The following DLG5 variants were observed in gnomAD, a reference collection of about 807,000 sequenced individuals.
The protein encoded by DLG5 is disks large homolog 5.
DLG5 carries 48 observed loss-of-function variants against 189.8 expected under a neutral mutation model. The observed-to-expected ratio is 0.25, with a 90% confidence interval of 0.20 to 0.32. DLG5 has a LOEUF of 0.32. Among genes scored for constraint, DLG5 ranks in the 10% least tolerant of loss-of-function variants. The probability of loss-of-function intolerance (pLI) is 1.00; values close to 1 mark genes in which losing one functional copy is unlikely to be tolerated. For synonymous variants in DLG5, 1,016 were observed against 1,054.1 expected (o/e 0.96, Z 0.70); for missense variants, 2,160 against 2,544.7 (o/e 0.85, Z 3.25).
chr10:77,929,268 C>T (rs911626546), upstream of DLG5: 7 of 152,130 alleles, frequency 4.6e-5, no homozygotes, highest in African/African-American at 1.4e-4. Context: ...TCTTGAACTC[C>T]TGGGCTCAAG....
chr10:77,909,578 G>A (rs1014634479), intron 1 of DLG5, among the ~76,000 whole-genome samples: 5 of 151,980 alleles, frequency 3.3e-5, no homozygotes, highest in African/African-American at 1.2e-4. Context: ...CAGAAACAAG[G>A]ACAGCTGGTC....
At position 77,909,377 on chromosome 10, in the gene DLG5, G is replaced by A. The variant is rs546402468; in HGVS notation, c.304+16840C>T. Among the ~76,000 whole-genome samples the A allele has an allele frequency of 7.2e-4, 110 of 152,268 alleles. 1 individual carries two copies. The highest frequency in any genetic ancestry group is 2.4e-3 in the African/African-American group (99 of 41,540). On this transcript the variant is annotated intron_variant, in intron 1 of 31. Transcript: ENST00000372391. The stretch of plus-strand genomic sequence containing the variant: ...GTCAGGGGTGGGGGTCTAGGAGAGG[G>A]ATAGCAACAGAAGAAATACCTAATG...
chr10:77,926,891 C>A, upstream of DLG5: 2 of 338,244 alleles, frequency 5.9e-6, no homozygotes, highest in Non-Finnish European at 1.2e-5. The surrounding 1 kb of genome is among the most constrained non-coding windows in gnomAD (Gnocchi z 5.2). Context: ...CCGCCCGCCC[C>A]GCGAGAAAAC....
chr10:77,807,709 CAG>C lies in DLG5; in HGVS notation c.4796+85_4796+86del. ...GGCCCCAGCCTTGGGGGGCAAGAAA[CAG>C]AGAGCCATTCACCAGGAAAAGAGTC... On this transcript the variant is annotated intron_variant, in intron 25 of 31. Coordinates refer to ENST00000372391, the MANE Select transcript of DLG5 (RefSeq NM_004747.4). The C allele has an allele frequency of 4.7e-6, 7 of 1,481,688 alleles. No individual in the cohort carries two copies. The East Asian group carries it at 1.4e-4, about 29-fold the overall frequency. 91.8% of individuals were successfully genotyped at this position (1,481,688 alleles called of 1,614,324 possible).
chr10:77,904,353 G>C (rs1346242362), intron 1 of DLG5, among the ~76,000 whole-genome samples: 1 of 151,816 alleles, frequency 6.6e-6, no homozygotes, highest in Non-Finnish European at 1.5e-5. Flanking sequence ...ACTTTGGACT[G>C]TGGACTTTTG....
chr10:77,811,006 T>C (rs1446377099), intron 23 of DLG5, 88 bp downstream of exon 23: 1 of 1,499,794 alleles, frequency 6.7e-7, no homozygotes, highest in South Asian at 1.3e-5. Flanking sequence ...TGAGGCCAGC[T>C]GCCCAGTGCC....
intron 1 of DLG5, among the ~76,000 whole-genome samples, chr10:77,875,117 GT>G (rs1171100545): frequency 2.0e-5 from 3 of 152,178 alleles, no homozygotes; most frequent in Non-Finnish European, 2.9e-5. Flanking sequence ...GCTGAAGGTC[GT>G]GCTAGGGCTA....
At chr10:77,924,307 A>G (rs75090249) in intron 1 of DLG5, among the ~76,000 whole-genome samples, 1 of 152,340 alleles carries the variant, frequency 6.6e-6, no homozygotes, top group Non-Finnish European at 1.5e-5. Flanking sequence ...CTAGGGGATA[A>G]AATCCAAACC....
At chr10:77,853,125 G>A (rs1278933115) in intron 5 of DLG5, among the ~76,000 whole-genome samples, 1 of 151,820 alleles carries the variant, frequency 6.6e-6, no homozygotes, top group African/African-American at 2.4e-5. Flanking sequence ...TAGGACTACA[G>A]GTGTGCCACC....
intron 17 of DLG5, among the ~76,000 whole-genome samples, chr10:77,818,152 C>T (rs1423390770): frequency 6.6e-6 from 1 of 152,106 alleles, no homozygotes; most frequent in Non-Finnish European, 1.5e-5. Flanking sequence ...CAGGATTAGG[C>T]TCACTAGGAA....
the DLG5 span, among the ~76,000 whole-genome samples, chr10:77,937,794 C>T: frequency 6.8e-6 from 1 of 147,662 alleles, no homozygotes; most frequent in East Asian, 2.0e-4. Flanking sequence ...TCTTGGCTCA[C>T]TGCAACCTCC....
intron 7 of DLG5, among the ~76,000 whole-genome samples, chr10:77,838,971 T>G (rs542059984): frequency 2.0e-5 from 3 of 152,334 alleles, no homozygotes; most frequent in Non-Finnish European, 4.4e-5. Flanking sequence ...CTGGAAAAGA[T>G]CCCTGCCTCA....
upstream of DLG5, chr10:77,929,692 G>C (rs925488524): frequency 3.3e-5 from 5 of 152,232 alleles, no homozygotes; most frequent in African/African-American, 1.2e-4. Context: ...AGAATGGCCA[G>C]CCACCACCGG....
chr10:77,829,262 G>A (rs898211373), intron 12 of DLG5, 93 bp downstream of exon 12: 2 of 1,538,556 alleles, frequency 1.3e-6, no homozygotes, highest in East Asian at 4.5e-5. Flanking sequence ...TCATCCCTGT[G>A]AATGAGGTGC....
intron 26 of DLG5, among the ~76,000 whole-genome samples, chr10:77,806,380 T>C (rs921883904): frequency 5.9e-5 from 9 of 152,000 alleles, no homozygotes; most frequent in Non-Finnish European, 1.0e-4. Flanking sequence ...AGCTAATGGG[T>C]CTGGGGTTTG....
chr10:77,821,315 G>T lies in DLG5; in HGVS notation c.3169C>A (p.Pro1057Thr). ...PPSALPPDVD[P>T]GEPMHASPPR... Reference sequence around the variant, plus strand: ...GGTGATGCGTGCATGGGCTCCCCGGGGTCCACGTCAGGGGGCAGGGCGCTC... The same window carrying T: ...GGTGATGCGTGCATGGGCTCCCCGGTGTCCACGTCAGGGGGCAGGGCGCTC... The change falls in exon 15 of 32, where the codon CCC becomes ACC. Residue 1057 changes from proline to threonine, a missense_variant. Pro to Thr is a conservative substitution (Grantham distance 38). Transcript: ENST00000372391. 2 of 1,613,398 alleles carry T rather than the reference G, an allele frequency of 1.2e-6. No homozygotes were observed. The highest frequency in any genetic ancestry group is 2.7e-5 in the African/African-American group (2 of 75,026).
At chr10:77,896,968 G>T (rs760826622) in intron 1 of DLG5, among the ~76,000 whole-genome samples, 6 of 152,036 alleles carry the variant, frequency 3.9e-5, no homozygotes, top group Admixed American at 2.0e-4. Context: ...TCATTAAAAT[G>T]TTTAAAACAG....
chr10:77,822,254 G>A (rs181875843), intron 14 of DLG5, among the ~76,000 whole-genome samples, 153 bp from the exon 15 acceptor site: 135 of 152,292 alleles, frequency 8.9e-4, no homozygotes, highest in African/African-American at 3.2e-3. Flanking sequence ...ACACACACAT[G>A]AACACATATG....
At chr10:77,835,716 C>A in intron 8 of DLG5, 22 bp downstream of exon 8, 1 of 1,592,302 alleles carries the variant, frequency 6.3e-7, no homozygotes, top group Non-Finnish European at 8.6e-7. Context: ...CAAGCCCACG[C>A]CAGCTTGAGG....
Sources: allele counts gnomAD v4.1 joint callset (sites outside exome capture counted in the v4.1 genomes callset), GRCh38; gene constraint gnomAD v4.1.1; non-coding constraint Gnocchi (gnomAD v3.1); transcripts MANE v1.5; gene names NCBI Gene and HGNC (gene_info 2026-07-23, HGNC 2026-07-21).